ZNF395: variants seen among roughly 807,000 people sequenced by gnomAD.
ZNF395 encodes the protein HD gene regulatory region-binding protein 2.
A neutral mutation model predicts 57.7 loss-of-function variants in ZNF395; 20 were observed. The ratio of observed to expected loss-of-function variants is 0.35; its 90% CI spans 0.24 to 0.50. ZNF395 has a LOEUF of 0.50. Ranked by LOEUF, ZNF395 falls within the 20% of genes least tolerant of loss-of-function variation. The probability of loss-of-function intolerance (pLI) is 0.97; values close to 1 mark genes in which losing one functional copy is unlikely to be tolerated. For missense variants in ZNF395, 606 were observed against 671.2 expected (o/e 0.90, Z 1.07); for synonymous variants, 295 against 275.9 (o/e 1.07, Z -0.69).
intron 1 of ZNF395, among the ~76,000 whole-genome samples, chr8:28,371,942 G>A (rs945099353): frequency 6.6e-6 from 1 of 152,162 alleles, no homozygotes; most frequent in South Asian, 2.1e-4. Flanking sequence ...CCAGCTACTG[G>A]GGAGGCTGAG....
chr8:28,384,125 A>C (rs1424751856), intron 1 of ZNF395, among the ~76,000 whole-genome samples: 1 of 151,988 alleles, frequency 6.6e-6, no homozygotes, highest in South Asian at 2.1e-4. Flanking sequence ...CTGCTCACTG[A>C]TGTGTCCCCC....
Position 28,359,884 on chromosome 8 carries a change from T to G in ZNF395, c.241-60A>C. On this transcript the variant is annotated intron_variant, in intron 2 of 9. Transcript: ENST00000344423. This position sits in a 1 kb window ranked among gnomAD's most constrained non-coding sequence, Gnocchi z 4.7. ...CTGGATGGGTCTCGCCCTGAAGTTCTCATGCACCCCACGTCCCAGGAGCCA... is the reference window on the plus strand; with the variant it reads ...CTGGATGGGTCTCGCCCTGAAGTTCGCATGCACCCCACGTCCCAGGAGCCA... 1 of 1,565,462 alleles carries G rather than the reference T, an allele frequency of 6.4e-7. No individual in the cohort carries two copies. Among genetic ancestry groups the G allele is most frequent in the Middle Eastern group, 1.7e-4 (1 of 5,872 alleles).
chr8:28,353,502 A>C, intron 4 of ZNF395, 94 bp from the exon 5 acceptor site: 2 of 983,290 alleles, frequency 2.0e-6, no homozygotes, highest in Non-Finnish European at 2.9e-6. Context: ...AGAGGAGTTC[A>C]TTCATGGCAG....
intron 1 of ZNF395, among the ~76,000 whole-genome samples, chr8:28,371,886 TAAAAA>T (rs1415677601): frequency 1.3e-5 from 2 of 151,984 alleles, no homozygotes; most frequent in African/African-American, 4.8e-5. Context: ...TCATCTCTAC[TAAAAA>T]TACAAAAGTT....
intron 1 of ZNF395, among the ~76,000 whole-genome samples, chr8:28,374,309 C>G (rs1021207754): frequency 1.1e-4 from 16 of 152,280 alleles, no homozygotes; most frequent in African/African-American, 2.9e-4. Flanking sequence ...TGTGAGGCAT[C>G]TGAAGAACAG....
chr8:28,378,182 G>C (rs528705443), intron 1 of ZNF395, among the ~76,000 whole-genome samples: 1 of 151,952 alleles, frequency 6.6e-6, no homozygotes, highest in Non-Finnish European at 1.5e-5. Flanking sequence ...AGCAGCCCTG[G>C]GTTCACAAAC....
At chr8:28,351,297 G>A (rs1266049621) in intron 7 of ZNF395, 198 bp downstream of exon 7, 2 of 553,302 alleles carry the variant, frequency 3.6e-6, no homozygotes, top group African/African-American at 3.7e-5. Context: ...ACTCATGACA[G>A]CTGCCAATGT....
rs775800779 is a variant in ZNF395, at chr8:28,359,772, C to T, written c.293G>A (p.Ser98Asn). The change falls in exon 3 of 10, where the codon AGC (serine) becomes AAC (asparagine). Residue 98 changes from serine (S) to asparagine (N), a missense_variant. Ser to Asn is a conservative substitution (Grantham distance 46). This residue lies in a region of ZNF395 where 309 missense variants were observed against 374.7 expected (regional missense o/e 0.82). Coordinates refer to ENST00000344423, the MANE Select transcript of ZNF395 (RefSeq NM_018660.3). The surrounding 1 kb of genome is among the most constrained non-coding windows in gnomAD (Gnocchi z 4.7). ...GACGGTCACCTGACCCTCCATCCAG[C>T]TGTGCTGCTCCACCAGTCCTGTGCA... ...QECTGLVEQH[S>N]WMEGQVTVWL... 3.1e-6 allele frequency: 5 copies of T among 1,614,020 alleles called. No individual in the cohort carries two copies. The highest frequency in any genetic ancestry group is 4.2e-6 in the Non-Finnish European group (5 of 1,180,052).
At chr8:28,372,629 A>T (rs1355878486) in intron 1 of ZNF395, among the ~76,000 whole-genome samples, 1 of 152,208 alleles carries the variant, frequency 6.6e-6, no homozygotes, top group Non-Finnish European at 1.5e-5. Context: ...TCTACAAAAA[A>T]TACAAACATC....
chr8:28,364,420 G>A (rs1202502779), intron 1 of ZNF395, among the ~76,000 whole-genome samples: 2 of 152,324 alleles, frequency 1.3e-5, no homozygotes, highest in South Asian at 2.1e-4. Context: ...GGGAGGCCAA[G>A]GCAGGCAGAT....
chr8:28,362,695 T>G (rs1423939798), intron 1 of ZNF395, among the ~76,000 whole-genome samples: 1 of 152,180 alleles, frequency 6.6e-6, no homozygotes, highest in Non-Finnish European at 1.5e-5. Context: ...CCACACTATC[T>G]CCACACCTCC....
chr8:28,353,507 T>C (rs1490660116), intron 4 of ZNF395, 99 bp from the exon 5 acceptor site: 11 of 931,430 alleles, frequency 1.2e-5, no homozygotes, highest in Non-Finnish European at 1.6e-5. Context: ...AGTTCATTCA[T>C]GGCAGCAATT....
At chr8:28,355,640 A>G (rs1337067952) in intron 4 of ZNF395, among the ~76,000 whole-genome samples, 3 of 152,168 alleles carry the variant, frequency 2.0e-5, no homozygotes, top group African/African-American at 7.2e-5. Flanking sequence ...CCAACCATCC[A>G]GATCTCCTAA....
intron 1 of ZNF395, among the ~76,000 whole-genome samples, chr8:28,379,717 T>A (rs1802086617): frequency 6.6e-6 from 1 of 152,016 alleles, no homozygotes; most frequent in Non-Finnish European, 1.5e-5. Flanking sequence ...GCACTCAAGA[T>A]TAATCACTGA....
intron 7 of ZNF395, among the ~76,000 whole-genome samples, chr8:28,350,553 CTGCTTGAGAGTAGTAG>C (rs1032388767): frequency 6.6e-6 from 1 of 152,232 alleles, no homozygotes; most frequent in Non-Finnish European, 1.5e-5. Flanking sequence ...CTTCCAGCAA[CTGCTTGAGAGTAGTAG>C]TGTGCTCATG....
chr8:28,362,838 T>C (rs929207270), intron 1 of ZNF395, among the ~76,000 whole-genome samples: 2 of 152,210 alleles, frequency 1.3e-5, no homozygotes, highest in Non-Finnish European at 1.5e-5. Flanking sequence ...AGGGGCAAAA[T>C]GCTGGTTTTC....
At chr8:28,349,357 A>G in intron 8 of ZNF395, 129 bp from the exon 9 acceptor site, 1 of 588,932 alleles carries the variant, frequency 1.7e-6, no homozygotes, top group Non-Finnish European at 2.7e-6. Context: ...CAGGGAGAAC[A>G]CTCCAGCCGA....
intron 1 of ZNF395, among the ~76,000 whole-genome samples, chr8:28,381,300 C>A (rs1802107140): frequency 6.6e-6 from 1 of 152,140 alleles, no homozygotes; most frequent in South Asian, 2.1e-4. Context: ...CTCAGCCTCC[C>A]AAAGTGCTGG....
intron 8 of ZNF395, among the ~76,000 whole-genome samples, chr8:28,349,648 C>G (rs114507253): frequency 0.019 from 2,898 of 152,336 alleles, 101 homozygotes; most frequent in African/African-American, 0.066. Context: ...GTTGGGGGTC[C>G]ACCTATGGCC....
Sources: allele counts gnomAD v4.1 joint callset (sites outside exome capture counted in the v4.1 genomes callset), GRCh38; gene constraint gnomAD v4.1.1; regional missense constraint gnomAD v4.1.1; non-coding constraint Gnocchi (gnomAD v3.1); transcripts MANE v1.5; gene names NCBI Gene and HGNC (gene_info 2026-07-23, HGNC 2026-07-21).